Variants in CNTNAP2 observed in about 807,000 individuals in gnomAD.
The protein encoded by CNTNAP2 is contactin associated protein 2, also known as contactin-associated protein-like 2.
CNTNAP2 carries 98 observed loss-of-function variants against 155.2 expected under a neutral mutation model. That is an observed-to-expected ratio of 0.63 (90% CI 0.54 to 0.75). The LOEUF is 0.75. Ranked by LOEUF, CNTNAP2 falls within the 30% of genes least tolerant of loss-of-function variation. The pLI is 0.00. For synonymous variants in CNTNAP2, 651 were observed against 631.2 expected (o/e 1.03, Z -0.47); for missense variants, 1,727 against 1,688.1 (o/e 1.02, Z -0.40).
At chr7:147,889,798 T>C (rs1039020803) in intron 13 of CNTNAP2, among the ~76,000 whole-genome samples, 2 of 152,188 alleles carry the variant, frequency 1.3e-5, no homozygotes, top group African/African-American at 4.8e-5. Context: ...CGTGTGGCTA[T>C]TGGTTACCTA....
intron 1 of CNTNAP2, among the ~76,000 whole-genome samples, chr7:146,737,022 T>C (rs987556859): frequency 6.6e-6 from 1 of 152,126 alleles, no homozygotes; most frequent in Admixed American, 6.5e-5. Context: ...AAGGAATTAA[T>C]CAAATAATGT....
chr7:147,526,477 A>G (rs1799321890), intron 11 of CNTNAP2, among the ~76,000 whole-genome samples: 1 of 152,204 alleles, frequency 6.6e-6, no homozygotes, highest in Non-Finnish European at 1.5e-5. Context: ...GTGAGGATTA[A>G]ATCAGTGAGA....
chr7:147,383,048 A>C (rs1035538077), intron 9 of CNTNAP2, among the ~76,000 whole-genome samples: 27 of 152,106 alleles, frequency 1.8e-4, no homozygotes, highest in African/African-American at 6.5e-4. Flanking sequence ...GTGCTTAATA[A>C]ATATAAACAG....
At chr7:148,003,534 A>C (rs922156895) in intron 15 of CNTNAP2, among the ~76,000 whole-genome samples, 5 of 152,190 alleles carry the variant, frequency 3.3e-5, no homozygotes, top group Non-Finnish European at 7.4e-5. Flanking sequence ...AGGTTGGAGA[A>C]GGGGTTACCA....
chr7:146,477,645 A>G (rs1323560695), intron 1 of CNTNAP2, among the ~76,000 whole-genome samples: 1 of 144,764 alleles, frequency 6.9e-6, no homozygotes, highest in African/African-American at 2.7e-5. Context: ...ACACACACAC[A>G]CACACACACA....
At chr7:146,236,560 G>T (rs1799476852) in intron 1 of CNTNAP2, among the ~76,000 whole-genome samples, 1 of 152,110 alleles carries the variant, frequency 6.6e-6, no homozygotes, top group Non-Finnish European at 1.5e-5. Context: ...AGGCTAGGTT[G>T]TGCTGCATAC....
At chr7:146,958,419 T>TG in intron 3 of CNTNAP2, among the ~76,000 whole-genome samples, 1 of 139,722 alleles carries the variant, frequency 7.2e-6, no homozygotes, top group Non-Finnish European at 1.6e-5. Flanking sequence ...TTTTTTTTTT[T>TG]TTTTTTTTTT....
chr7:147,091,386 A>G (rs1052144206), intron 4 of CNTNAP2, among the ~76,000 whole-genome samples: 19 of 152,170 alleles, frequency 1.2e-4, no homozygotes, highest in African/African-American at 4.3e-4. Context: ...TGTCGTGCCA[A>G]CCCTTGGAAT....
chr7:146,125,679 A>G (rs1283963000), intron 1 of CNTNAP2, among the ~76,000 whole-genome samples: 1 of 151,616 alleles, frequency 6.6e-6, no homozygotes, highest in African/African-American at 2.4e-5. Flanking sequence ...GTGGTGGGGT[A>G]TTAACATTGC....
chr7:146,838,500 AGGAAAT>A (rs1803658824), intron 2 of CNTNAP2, among the ~76,000 whole-genome samples: 1 of 151,866 alleles, frequency 6.6e-6, no homozygotes, highest in Non-Finnish European at 1.5e-5. Flanking sequence ...GTATTTTTAG[AGGAAAT>A]GGGGTTTCAG....
At chr7:147,100,773 A>G (rs1008541841) in intron 4 of CNTNAP2, among the ~76,000 whole-genome samples, 1 of 152,220 alleles carries the variant, frequency 6.6e-6, no homozygotes, top group South Asian at 2.1e-4. Context: ...TTTCAAACCT[A>G]AATGATGTTT....
chr7:147,030,256 G>C (rs1361269765), intron 3 of CNTNAP2, among the ~76,000 whole-genome samples: 1 of 152,176 alleles, frequency 6.6e-6, no homozygotes. Context: ...TTTTTATATG[G>C]ATTTTCTTGA....
At chr7:146,895,602 C>G (rs1037653149) in intron 3 of CNTNAP2, among the ~76,000 whole-genome samples, 1 of 151,758 alleles carries the variant, frequency 6.6e-6, no homozygotes, top group Non-Finnish European at 1.5e-5. Context: ...AATAATTGTT[C>G]ATATTTATGG....
chr7:146,537,111 A>G (rs998804397), intron 1 of CNTNAP2, among the ~76,000 whole-genome samples: 7 of 152,240 alleles, frequency 4.6e-5, no homozygotes, highest in Admixed American at 4.6e-4. Context: ...AGGCAAGCCA[A>G]CAATGATACA....
chr7:146,906,739 G>A (rs1796137371), intron 3 of CNTNAP2, among the ~76,000 whole-genome samples: 1 of 152,160 alleles, frequency 6.6e-6, no homozygotes, highest in Non-Finnish European at 1.5e-5. Context: ...CTAAAACGCA[G>A]AACACCTCTC....
At chr7:146,907,945 G>C (rs1288641411) in intron 3 of CNTNAP2, among the ~76,000 whole-genome samples, 2 of 152,150 alleles carry the variant, frequency 1.3e-5, no homozygotes, top group Non-Finnish European at 2.9e-5. Flanking sequence ...AAAATAAAAG[G>C]ATGGAGGAAG....
At chr7:146,762,635 A>G (rs1802122833) in intron 1 of CNTNAP2, among the ~76,000 whole-genome samples, 1 of 152,080 alleles carries the variant, frequency 6.6e-6, no homozygotes, top group African/African-American at 2.4e-5. Flanking sequence ...GAATCCCTGT[A>G]GTAGTCTGTT....
chr7:147,778,298 T>A (rs1046986660), intron 13 of CNTNAP2, among the ~76,000 whole-genome samples: 3 of 152,256 alleles, frequency 2.0e-5, no homozygotes, highest in Non-Finnish European at 4.4e-5. Context: ...AGAAGATAGA[T>A]TATTTGTTGA....
chr7:148,280,188 G>T (rs1316110755), intron 21 of CNTNAP2, among the ~76,000 whole-genome samples: 1 of 151,948 alleles, frequency 6.6e-6, no homozygotes, highest in African/African-American at 2.4e-5. Flanking sequence ...CATGCCTGTA[G>T]TCCCAGCTAC....
Sources: gnomAD v4.1 joint callset for allele counts (sites outside exome capture counted in the v4.1 genomes callset) on GRCh38, gnomAD v4.1.1 for gene constraint, MANE v1.5 for transcripts, NCBI Gene and HGNC (gene_info 2026-07-23, HGNC 2026-07-21) for gene names.